The following STMN2 variants were observed in gnomAD, a reference collection of about 807,000 sequenced individuals.
The protein encoded by STMN2 is stathmin 2.
In STMN2, 2 loss-of-function variants were observed where a neutral mutation model predicts 24.1. That is an observed-to-expected ratio of 0.08 (90% CI 0.03 to 0.26). The LOEUF is 0.26. Ranked by LOEUF, STMN2 falls within the 10% of genes least tolerant of loss-of-function variation. The probability of loss-of-function intolerance (pLI) is 1.00; values close to 1 mark genes in which losing one functional copy is unlikely to be tolerated. For missense variants in STMN2, 114 were observed against 213.6 expected, an observed-to-expected ratio of 0.53 and a Z score of 2.91; for synonymous variants, 83 against 77.5, an observed-to-expected ratio of 1.07 and a Z score of -0.37.
chr8:79,646,534 G>A (rs1229018150), intron 3 of STMN2, among the ~76,000 whole-genome samples: 1 of 152,084 alleles, frequency 6.6e-6, no homozygotes, highest in Non-Finnish European at 1.5e-5. Flanking sequence ...TCTTCTCTGG[G>A]ACCTGAACAT....
chr8:79,631,561 TTC>T, intron 1 of STMN2: 1 of 666,932 alleles, frequency 1.5e-6, no homozygotes, highest in Non-Finnish European at 1.9e-6. Flanking sequence ...TCTGAGTTAT[TTC>T]TTTTTCTTTT....
At chr8:79,619,504 C>T (rs1809461204) in intron 1 of STMN2, among the ~76,000 whole-genome samples, 1 of 152,048 alleles carries the variant, frequency 6.6e-6, no homozygotes, top group African/African-American at 2.4e-5. Flanking sequence ...CACGAAACAA[C>T]CCCAACTTAT....
chr8:79,656,574 C>T (rs541464735), intron 4 of STMN2, among the ~76,000 whole-genome samples: 1 of 152,270 alleles, frequency 6.6e-6, no homozygotes, highest in Non-Finnish European at 1.5e-5. Context: ...AGTCAGTCTT[C>T]CTCCATCTGC....
chr8:79,646,070 A>G (rs147127867), intron 3 of STMN2, among the ~76,000 whole-genome samples: 306 of 152,270 alleles, frequency 2.0e-3, no homozygotes, highest in African/African-American at 6.7e-3. Context: ...TAAATTAATA[A>G]ATAATAACTT....
At chr8:79,622,606 T>C (rs1809543744) in intron 1 of STMN2, among the ~76,000 whole-genome samples, 1 of 152,194 alleles carries the variant, frequency 6.6e-6, no homozygotes, top group South Asian at 2.1e-4. Context: ...ATAAGCAAGA[T>C]GGATAATTAA....
chr8:79,636,781 A>G, intron 1 of STMN2, 21 bp from the exon 2 acceptor site: 1 of 1,604,982 alleles, frequency 6.2e-7, no homozygotes, highest in Non-Finnish European at 8.5e-7. Flanking sequence ...AAATATACTA[A>G]TCTTCAGCTT....
chr8:79,630,895 G>A (rs1334783702), intron 1 of STMN2, among the ~76,000 whole-genome samples: 1 of 135,060 alleles, frequency 7.4e-6, no homozygotes, highest in African/African-American at 3.1e-5. Flanking sequence ...TAGGAGCTTA[G>A]GGGGATAAAA....
intron 2 of STMN2, 50 bp from the exon 3 acceptor site, chr8:79,641,328 C>A: frequency 1.3e-6 from 2 of 1,568,768 alleles, no homozygotes; most frequent in Non-Finnish European, 1.7e-6. Context: ...TAAAATAAAC[C>A]CATGCTGCAA....
intron 1 of STMN2, among the ~76,000 whole-genome samples, chr8:79,620,359 A>C (rs1809484417): frequency 1.3e-5 from 2 of 152,030 alleles, no homozygotes; most frequent in African/African-American, 4.8e-5. Context: ...AAACATGCAC[A>C]GTGAGAATAG....
chr8:79,620,880 A>G, intron 1 of STMN2: 1 of 774,306 alleles, frequency 1.3e-6, no homozygotes, highest in Non-Finnish European at 1.6e-6. Context: ...AGCAGGTCCC[A>G]TGGATTTGCA....
chr8:79,641,620 A>ACATG (rs1810096880), intron 3 of STMN2, 70 bp downstream of exon 3: 3 of 959,050 alleles, frequency 3.1e-6, no homozygotes, highest in African/African-American at 1.8e-5. Context: ...ACTCGGGCAC[A>ACATG]CATGCACGCA....
At chr8:79,659,320 T>A (rs540406233) in intron 4 of STMN2, among the ~76,000 whole-genome samples, 13 of 152,258 alleles carry the variant, frequency 8.5e-5, no homozygotes, top group Admixed American at 8.5e-4. Context: ...TTCAAAATGT[T>A]CTTATTCTTA....
At chr8:79,641,349 C>T in intron 2 of STMN2, 29 bp from the exon 3 acceptor site, 1 of 1,606,410 alleles carries the variant, frequency 6.2e-7, no homozygotes. Flanking sequence ...GCTTTGTATG[C>T]TTAACATTCT....
intron 2 of STMN2, 66 bp from the exon 3 acceptor site, chr8:79,641,312 A>G: frequency 6.5e-7 from 1 of 1,530,060 alleles, no homozygotes; most frequent in Non-Finnish European, 8.8e-7. Flanking sequence ...CTGGAATCTA[A>G]ATTATTAAAA....
At chr8:79,654,743 C>T in intron 3 of STMN2, 128 bp from the exon 4 acceptor site, 1 of 1,086,372 alleles carries the variant, frequency 9.2e-7, no homozygotes, top group Non-Finnish European at 1.3e-6. Context: ...TGAGTACAGA[C>T]TTGACAATAG....
intron 1 of STMN2, among the ~76,000 whole-genome samples, chr8:79,633,308 G>A (rs150707061): frequency 3.2e-4 from 49 of 152,298 alleles, no homozygotes; most frequent in African/African-American, 9.4e-4. Context: ...GTAGAGTCAT[G>A]CTATGTGGGG....
At chr8:79,613,974 C>T (rs190557574) in intron 1 of STMN2, among the ~76,000 whole-genome samples, 20 of 151,736 alleles carry the variant, frequency 1.3e-4, no homozygotes, top group Admixed American at 8.6e-4. Flanking sequence ...TGATCTTCAA[C>T]ATAAGGTTAT....
intron 1 of STMN2, chr8:79,611,829 G>T (rs1585866543): frequency 1.7e-6 from 1 of 604,500 alleles, no homozygotes; most frequent in Non-Finnish European, 2.1e-6. Flanking sequence ...TAGGACCTCC[G>T]CTCCTTTGTT....
intron 3 of STMN2, among the ~76,000 whole-genome samples, chr8:79,651,891 T>C (rs1348407674): frequency 1.3e-5 from 2 of 152,154 alleles, no homozygotes; most frequent in Non-Finnish European, 2.9e-5. Flanking sequence ...CCACAGGAGC[T>C]TCTGTAGAAA....
Sources: allele counts gnomAD v4.1 joint callset (sites outside exome capture counted in the v4.1 genomes callset), GRCh38; gene constraint gnomAD v4.1.1; transcripts MANE v1.5; gene names NCBI Gene and HGNC (gene_info 2026-07-23, HGNC 2026-07-21).